ANKRD55: variants seen among roughly 807,000 people sequenced by gnomAD.
ANKRD55 encodes ankyrin repeat domain 55.
Under a neutral mutation model 60.6 loss-of-function variants are expected in ANKRD55, and 41 were observed. The ratio of observed to expected loss-of-function variants is 0.68; its 90% CI spans 0.53 to 0.88. The LOEUF (loss-of-function observed/expected upper bound fraction) is 0.88, where lower values mean the gene tolerates loss of function less well. Ranked by LOEUF, ANKRD55 falls within the 40% of genes least tolerant of loss-of-function variation. ANKRD55 has a pLI of 0.00. For synonymous variants in ANKRD55, 264 were observed against 290.3 expected, an observed-to-expected ratio of 0.91 and a Z score of 0.92; for missense variants, 732 against 767.6, an observed-to-expected ratio of 0.95 and a Z score of 0.55.
chr5:56,150,627 G>A lies in ANKRD55; in HGVS notation c.484-6698C>T, dbSNP rs117943126. Among the ~76,000 whole-genome samples the A allele has an allele frequency of 1.0e-3, 153 of 152,174 alleles. 3 individuals carry two copies. In the East Asian group the frequency reaches 0.022, roughly 22 times the overall value. On this transcript the variant is annotated intron_variant, in intron 6 of 11. Transcript: ENST00000341048. The stretch of plus-strand genomic sequence containing the variant: ...TAAATAAATAAATAGGCTGGGCGTG[G>A]TGCCTCACACCTGTAATCCCAGCCC...
intron 11 of ANKRD55, among the ~76,000 whole-genome samples, chr5:56,100,554 G>C (rs574574068): frequency 5.3e-5 from 8 of 152,294 alleles, no homozygotes; most frequent in African/African-American, 1.9e-4. Flanking sequence ...ACATGATTGG[G>C]CTGTGTGTGC....
chr5:56,136,257 A>C (rs1319325436), intron 7 of ANKRD55, among the ~76,000 whole-genome samples: 1 of 152,220 alleles, frequency 6.6e-6, no homozygotes, highest in Non-Finnish European at 1.5e-5. Context: ...ATGTCAACAA[A>C]CTGATTCCAC....
rs1194553709 is a variant in ANKRD55, at chr5:56,111,397, G to A, written c.1351C>T (p.His451Tyr). ...AGGCCTGCATGGGAAGTGGCCCTAT[G>A]GGAGGCTGTTAGGAAGTTATTGCCC... ...TLGNNFLTAS[H>Y]RATSHAGLSS... is the part of the protein sequence containing the mutation. The change falls in exon 10 of 12, where the codon CAT (histidine) becomes TAT (tyrosine). Residue 451 changes from histidine to tyrosine, a missense_variant. By Grantham distance (83) the His-to-Tyr change is moderately conservative. Coordinates refer to ENST00000341048, the MANE Select transcript of ANKRD55 (RefSeq NM_024669.3). 2 of 1,614,036 alleles carry A rather than the reference G, an allele frequency of 1.2e-6. No individual in the cohort carries two copies. Among genetic ancestry groups the A allele is most frequent in the East Asian group, 2.2e-5 (1 of 44,896 alleles).
At chr5:56,107,981 C>T (rs111942885) in intron 10 of ANKRD55, among the ~76,000 whole-genome samples, 6,540 of 151,962 alleles carry the variant, frequency 0.043, 483 homozygotes, top group African/African-American at 0.15. Context: ...GTGATCCTCC[C>T]GTCTCAGCCC....
Position 56,216,466 on chromosome 5 carries a change from A to G in ANKRD55, c.58+16390T>C, listed in dbSNP as rs536149788. Among the ~76,000 whole-genome samples the G allele has an allele frequency of 2.6e-5, 4 of 152,374 alleles. No homozygotes were observed. In the East Asian group the frequency reaches 7.7e-4, roughly 29 times the overall value. ...CACTTTAAATCAAAAGCTAGAAATGATTAAGCTCAATGAGGAAGGCATGTT... is the reference window on the plus strand; with the variant it reads ...CACTTTAAATCAAAAGCTAGAAATGGTTAAGCTCAATGAGGAAGGCATGTT... On this transcript the variant is annotated intron_variant, in intron 2 of 11. Coordinates refer to ENST00000341048, the MANE Select transcript of ANKRD55 (RefSeq NM_024669.3).
At chr5:56,164,600 A>G (rs1215263697) in intron 5 of ANKRD55, among the ~76,000 whole-genome samples, 1 of 152,210 alleles carries the variant, frequency 6.6e-6, no homozygotes, top group East Asian at 1.9e-4. Context: ...CTGCTTTCAG[A>G]GAAAATTGCT....
intron 2 of ANKRD55, among the ~76,000 whole-genome samples, chr5:56,229,662 G>A (rs965570446): frequency 3.3e-5 from 5 of 152,230 alleles, no homozygotes; most frequent in African/African-American, 1.2e-4. Flanking sequence ...AGAAATATAG[G>A]AAAATGCATG....
chr5:56,126,032 G>A lies in ANKRD55; in HGVS notation c.797+890C>T, dbSNP rs182267961. Reference sequence around the variant, plus strand: ...GCCTGTAGTTCCAGCTACTTGGGAGGTTGAGGCAAGGGAATCGCTTGGACC... The same window carrying A: ...GCCTGTAGTTCCAGCTACTTGGGAGATTGAGGCAAGGGAATCGCTTGGACC... On this transcript the variant is annotated intron_variant, in intron 8 of 11. Coordinates refer to ENST00000341048, the MANE Select transcript of ANKRD55 (RefSeq NM_024669.3). Among the ~76,000 whole-genome samples the A allele has an allele frequency of 2.1e-3, 323 of 152,246 alleles. 1 individual carries two copies. Among genetic ancestry groups the A allele is most frequent in the African/African-American group, 7.4e-3 (309 of 41,542 alleles).
At chr5:56,159,033 A>AG (rs765287847) in intron 6 of ANKRD55, among the ~76,000 whole-genome samples, 4 of 151,176 alleles carry the variant, frequency 2.6e-5, no homozygotes, top group East Asian at 1.9e-4. Context: ...TTCTTCAGAG[A>AG]GGGGGGTCTC....
chr5:56,147,990 A>G lies in ANKRD55; in HGVS notation c.484-4061T>C, dbSNP rs143440013. Among the ~76,000 whole-genome samples the G allele has an allele frequency of 1.3e-3, 197 of 152,330 alleles. 4 individuals carry two copies. Among genetic ancestry groups the G allele is most frequent in the Non-Finnish European group, 3.8e-4 (26 of 68,026 alleles). On this transcript the variant is annotated intron_variant, in intron 6 of 11. Transcript: ENST00000341048. ...GCAAACATCAGGCTTAGCAATTGGT[A>G]TCTGTACTAAGCAGTGACAGAAATC... is the stretch of plus-strand genomic sequence containing the variant.
At chr5:56,219,974 G>A (rs966197325) in intron 2 of ANKRD55, among the ~76,000 whole-genome samples, 3 of 152,208 alleles carry the variant, frequency 2.0e-5, no homozygotes, top group African/African-American at 7.2e-5. Context: ...GGCACTGTGG[G>A]GTTAGTGAGT....
chr5:56,175,648 G>A (rs911470973), intron 4 of ANKRD55, among the ~76,000 whole-genome samples: 6 of 151,968 alleles, frequency 3.9e-5, no homozygotes, highest in Non-Finnish European at 8.8e-5. Flanking sequence ...TCTGCTTGGC[G>A]TTGTCCCTTT....
chr5:56,123,552 G>C (rs960456840), intron 8 of ANKRD55, among the ~76,000 whole-genome samples: 2 of 152,042 alleles, frequency 1.3e-5, no homozygotes, highest in African/African-American at 4.8e-5. Context: ...GAAACAGGAC[G>C]GGTCCCCAGC....
chr5:56,123,743 G>A lies in ANKRD55; in HGVS notation c.797+3179C>T, dbSNP rs902311509. Among the ~76,000 whole-genome samples, 13 of 152,098 alleles carry A rather than the reference G, an allele frequency of 8.5e-5. 1 individual carries two copies. Among genetic ancestry groups the A allele is most frequent in the African/African-American group, 2.4e-4 (10 of 41,362 alleles). On this transcript the variant is annotated intron_variant, in intron 8 of 11. Transcript: ENST00000341048. ...TTCCTCTGACCATCAACATGGAAGC[G>A]ATCCAGAAGAACAGGGTTTTGCTGA...
chr5:56,129,468 A>G (rs1757353880), intron 7 of ANKRD55, among the ~76,000 whole-genome samples: 1 of 152,130 alleles, frequency 6.6e-6, no homozygotes, highest in Admixed American at 6.5e-5. Flanking sequence ...TTGGGAACTG[A>G]GTCCTAGTCG....
intron 3 of ANKRD55, among the ~76,000 whole-genome samples, chr5:56,178,071 A>G (rs1309107077): frequency 6.6e-6 from 1 of 152,196 alleles, no homozygotes; most frequent in African/African-American, 2.4e-5. Flanking sequence ...AGTGGAAGGA[A>G]CCACATCTCT....
At chr5:56,216,394 A>G (rs2111881880) in intron 2 of ANKRD55, among the ~76,000 whole-genome samples, 1 of 152,320 alleles carries the variant, frequency 6.6e-6, no homozygotes, top group African/African-American at 2.4e-5. Context: ...TAATAACCCT[A>G]CAATGGTCTT....
chr5:56,126,802 T>G, intron 8 of ANKRD55, 120 bp downstream of exon 8: 1 of 1,084,530 alleles, frequency 9.2e-7, no homozygotes, highest in Non-Finnish European at 1.3e-6. Flanking sequence ...CAAGCCCATG[T>G]GTATTACTGG....
chr5:56,219,038 C>T (rs946774283), intron 2 of ANKRD55, among the ~76,000 whole-genome samples: 6 of 151,736 alleles, frequency 4.0e-5, no homozygotes, highest in African/African-American at 7.3e-5. Flanking sequence ...TTTGGGAGGC[C>T]GAGGCGGGCG....
Sources: gnomAD v4.1 joint callset for allele counts (sites outside exome capture counted in the v4.1 genomes callset) on GRCh38, gnomAD v4.1.1 for gene constraint, MANE v1.5 for transcripts, NCBI Gene and HGNC (gene_info 2026-07-23, HGNC 2026-07-21) for gene names.